TAFA2: variants seen among roughly 807,000 people sequenced by gnomAD.
The protein encoded by TAFA2 is chemokine-like protein TAFA-2.
A neutral mutation model predicts 18.8 loss-of-function variants in TAFA2; 7 were observed. The observed-to-expected ratio is 0.37, with a 90% CI of 0.21 to 0.70. The LOEUF is 0.70. Ranked by LOEUF, TAFA2 falls within the 30% of genes least tolerant of loss-of-function variation. The probability of loss-of-function intolerance (pLI) is 0.53; values close to 1 mark genes in which losing one functional copy is unlikely to be tolerated. For missense variants in TAFA2, 122 were observed against 158.1 expected, an observed-to-expected ratio of 0.77 and a Z score of 1.23; for synonymous variants, 60 against 54.2, an observed-to-expected ratio of 1.11 and a Z score of -0.47.
intron 1 of TAFA2, among the ~76,000 whole-genome samples, chr12:61,937,354 C>T (rs1016390981): frequency 1.3e-5 from 2 of 152,012 alleles, no homozygotes; most frequent in Admixed American, 1.3e-4. Flanking sequence ...CAAAGCAATC[C>T]TAACCTAAAA....
At chr12:61,978,821 A>G (rs1879527945) in intron 1 of TAFA2, among the ~76,000 whole-genome samples, 1 of 152,102 alleles carries the variant, frequency 6.6e-6, no homozygotes, top group African/African-American at 2.4e-5. Context: ...AAGAAACTGC[A>G]AGGATTGAAG....
At chr12:61,841,124 G>A (rs965307330) in intron 2 of TAFA2, among the ~76,000 whole-genome samples, 2 of 152,072 alleles carry the variant, frequency 1.3e-5, no homozygotes, top group Non-Finnish European at 2.9e-5. Flanking sequence ...GTACCAGTAG[G>A]TGAATCTCAG....
chr12:62,224,597 T>C (rs1387207291), intron 1 of TAFA2, among the ~76,000 whole-genome samples: 1 of 152,144 alleles, frequency 6.6e-6, no homozygotes, highest in Non-Finnish European at 1.5e-5. Flanking sequence ...GCATTAAAAC[T>C]TAACATATGA....
rs73127585 is a variant in TAFA2, at chr12:61,859,826, C to T, written c.106+7494G>A. 8.7e-3 allele frequency among the ~76,000 whole-genome samples: 1,320 copies of T among 152,312 alleles called. 7 individuals are homozygous for T. Among genetic ancestry groups the T allele is most frequent in the Non-Finnish European group, 0.014 (938 of 68,028 alleles). ...GGAAGAGGGGTTGTATTCAGCGACT[C>T]TGAGGGGCTGACGACATTCTAATTA... On this transcript the variant is annotated intron_variant, in intron 2 of 4. Transcript: ENST00000416284.
At chr12:62,035,268 T>A (rs1327657213) in intron 1 of TAFA2, among the ~76,000 whole-genome samples, 1 of 152,140 alleles carries the variant, frequency 6.6e-6, no homozygotes, top group African/African-American at 2.4e-5. Flanking sequence ...GGAACCACAG[T>A]GAATAGGACC....
intron 1 of TAFA2, among the ~76,000 whole-genome samples, chr12:62,063,531 C>A (rs1882406655): frequency 1.3e-5 from 2 of 152,158 alleles, no homozygotes. Context: ...ATTTAGTATG[C>A]AGCCTTAGAA....
chr12:61,881,668 A>T (rs1476158459), intron 1 of TAFA2, among the ~76,000 whole-genome samples: 1 of 152,100 alleles, frequency 6.6e-6, no homozygotes, highest in Non-Finnish European at 1.5e-5. Context: ...GCTTCAGCCC[A>T]TTGAGGACAC....
intron 1 of TAFA2, among the ~76,000 whole-genome samples, chr12:62,228,558 G>T (rs947444795): frequency 3.0e-4 from 46 of 152,146 alleles, no homozygotes; most frequent in Admixed American, 1.2e-3. Flanking sequence ...GTTATTTTTT[G>T]ACTTTTTTAT....
chr12:62,035,179 A>G (rs1202778483), intron 1 of TAFA2, among the ~76,000 whole-genome samples: 1 of 152,180 alleles, frequency 6.6e-6, no homozygotes, highest in Non-Finnish European at 1.5e-5. Flanking sequence ...AAGATACATT[A>G]TCTTACTTGA....
chr12:62,108,809 C>A (rs979250954), intron 1 of TAFA2, among the ~76,000 whole-genome samples: 6 of 152,212 alleles, frequency 3.9e-5, no homozygotes, highest in African/African-American at 1.4e-4. Flanking sequence ...CTGTTCATAT[C>A]CTTCACCCAC....
At chr12:61,736,406 T>C (rs1002094034) in intron 4 of TAFA2, among the ~76,000 whole-genome samples, 6 of 152,044 alleles carry the variant, frequency 3.9e-5, no homozygotes, top group Non-Finnish European at 8.8e-5. Flanking sequence ...AAACTGAAAG[T>C]CAAGTTATGT....
At chr12:61,906,153 T>A (rs913623579) in intron 1 of TAFA2, among the ~76,000 whole-genome samples, 4 of 152,144 alleles carry the variant, frequency 2.6e-5, no homozygotes, top group African/African-American at 9.7e-5. Flanking sequence ...CTGCAGAATA[T>A]CACACTCGGT....
chr12:62,064,326 CA>C (rs879907372), intron 1 of TAFA2, among the ~76,000 whole-genome samples: 5 of 151,940 alleles, frequency 3.3e-5, no homozygotes, highest in Non-Finnish European at 5.9e-5. Context: ...TACATATACA[CA>C]AAAAAGTTTG....
At chr12:62,031,608 A>C (rs1881461395) in intron 1 of TAFA2, among the ~76,000 whole-genome samples, 1 of 152,186 alleles carries the variant, frequency 6.6e-6, no homozygotes, top group East Asian at 1.9e-4. Context: ...TGTAGGGCCA[A>C]GGAGGCTCTT....
At chr12:61,939,960 T>C (rs1369505583) in intron 1 of TAFA2, among the ~76,000 whole-genome samples, 2 of 152,204 alleles carry the variant, frequency 1.3e-5, no homozygotes, top group Non-Finnish European at 2.9e-5. Flanking sequence ...GATTTAACAG[T>C]GTTGTCTTAC....
intron 1 of TAFA2, among the ~76,000 whole-genome samples, chr12:62,248,049 C>A (rs1408908804): frequency 6.6e-6 from 1 of 152,120 alleles, no homozygotes; most frequent in Non-Finnish European, 1.5e-5. Flanking sequence ...GGTACATGGA[C>A]ACATTGAAAG....
At chr12:62,143,049 T>A (rs964607518) in intron 1 of TAFA2, among the ~76,000 whole-genome samples, 1 of 152,230 alleles carries the variant, frequency 6.6e-6, no homozygotes, top group African/African-American at 2.4e-5. Context: ...GATATCACTA[T>A]GCTATACAAC....
intron 1 of TAFA2, among the ~76,000 whole-genome samples, chr12:62,145,356 G>T (rs931842243): frequency 6.6e-6 from 1 of 152,178 alleles, no homozygotes. Flanking sequence ...TGTGAACTGC[G>T]CATGCAAGGA....
At position 61,710,353 on chromosome 12, in the gene TAFA2, C is replaced by G. The variant is rs778128400; in HGVS notation, c.*53G>C. 1.1e-5 allele frequency: 18 copies of G among 1,572,984 alleles called. 1 individual carries two copies. In the South Asian group the frequency reaches 2.0e-4, roughly 17 times the overall value. ...TCACCTCAGGAGTTGAGTTAAGTTT[C>G]TATGCGCATGTTCAATGTCATCAGC... On this transcript the variant is annotated 3_prime_UTR_variant, in exon 5 of 5. Transcript: ENST00000416284.
Sources: allele counts gnomAD v4.1 joint callset (sites outside exome capture counted in the v4.1 genomes callset), GRCh38; gene constraint gnomAD v4.1.1; transcripts MANE v1.5; gene names NCBI Gene and HGNC (gene_info 2026-07-23, HGNC 2026-07-21).